The following CDH23 variants were observed in gnomAD, a reference collection of about 807,000 sequenced individuals.
CDH23 encodes cadherin related 23.
In CDH23, 189 loss-of-function variants were observed where a neutral mutation model predicts 317.1. That is an observed-to-expected ratio of 0.60 (90% CI 0.53 to 0.67). The LOEUF (loss-of-function observed/expected upper bound fraction) is 0.67. Ranked by LOEUF, CDH23 falls within the 30% of genes least tolerant of loss-of-function variation. The pLI, the probability that CDH23 is intolerant of heterozygous loss-of-function variation, is 0.00. For missense variants in CDH23, 4,401 were observed against 4,592.4 expected, an observed-to-expected ratio of 0.96 and a Z score of 1.20; for synonymous variants, 1,839 against 1,876.8, an observed-to-expected ratio of 0.98 and a Z score of 0.52.
rs755412020 is a variant in CDH23, at chr10:71,510,128, C to G, written c.192C>G (p.Pro64=). 6.2e-7 allele frequency: 1 copy of G among 1,614,014 alleles called. No homozygotes were observed. Among genetic ancestry groups the G allele is most frequent in the African/African-American group, 1.3e-5 (1 of 75,042 alleles). The part of the protein sequence containing the change: ...QLLAQDMDND[P]LVFGVSGEEA... ...TGGCCCAAGACATGGACAATGACCCCCTGGTGTTTGGCGTGTCTGGGGAGG... is the reference window on the plus strand; with the variant it reads ...TGGCCCAAGACATGGACAATGACCCGCTGGTGTTTGGCGTGTCTGGGGAGG... Residue 64 remains proline (P), a synonymous_variant, in exon 4 of 70, where the codon CCC becomes CCG. Transcript: ENST00000224721.
intron 9 of CDH23, among the ~76,000 whole-genome samples, chr10:71,589,746 C>T (rs1194786823): frequency 6.6e-6 from 1 of 152,236 alleles, no homozygotes; most frequent in East Asian, 1.9e-4. Flanking sequence ...CCCCCAACCC[C>T]TGCCCTAACA....
chr10:71,574,965 G>T (rs909418684), intron 8 of CDH23, among the ~76,000 whole-genome samples: 7 of 151,014 alleles, frequency 4.6e-5, no homozygotes, highest in Non-Finnish European at 1.0e-4. Flanking sequence ...ACCCCCCACT[G>T]CACCATGTGA....
At chr10:71,527,260 G>A (rs751380053) in intron 6 of CDH23, among the ~76,000 whole-genome samples, 15 of 152,242 alleles carry the variant, frequency 9.9e-5, no homozygotes, top group Non-Finnish European at 1.6e-4. Context: ...TGCCACAGCC[G>A]CCCTGCCTCC....
intron 30 of CDH23, among the ~76,000 whole-genome samples, chr10:71,728,290 T>C (rs1383751963): frequency 6.7e-6 from 1 of 149,316 alleles, no homozygotes; most frequent in African/African-American, 2.4e-5. Flanking sequence ...GGAGTGGACA[T>C]GTTAGTTTGC....
chr10:71,403,526 CTT>C (rs763396840), intron 1 of CDH23, among the ~76,000 whole-genome samples: 1 of 118,664 alleles, frequency 8.4e-6, no homozygotes. Flanking sequence ...TTCTTTCTTT[CTT>C]TTTTTTTTTG....
chr10:71,637,880 G>T (rs1032831793), intron 11 of CDH23, among the ~76,000 whole-genome samples: 1 of 145,702 alleles, frequency 6.9e-6, no homozygotes, highest in African/African-American at 2.6e-5. Context: ...GGTCCTTGCT[G>T]TGGCTCCTGA....
chr10:71,701,365 C>T (rs1865577029), intron 22 of CDH23, among the ~76,000 whole-genome samples: 2 of 152,180 alleles, frequency 1.3e-5, no homozygotes, highest in South Asian at 4.1e-4. Context: ...TATGACCTGG[C>T]TGTGTGGGAT....
chr10:71,526,980 C>G (rs528955538), intron 6 of CDH23, among the ~76,000 whole-genome samples: 1 of 152,160 alleles, frequency 6.6e-6, no homozygotes, highest in Non-Finnish European at 1.5e-5. Context: ...CCGGGGTTCT[C>G]AGAGAACCCA....
rs537527605 is a variant in CDH23, at chr10:71,448,060, C to T, written c.145+1665C>T. 2.0e-5 allele frequency among the ~76,000 whole-genome samples: 3 copies of T among 152,352 alleles called. No individual in the cohort carries two copies. The East Asian group carries it at 5.8e-4, about 29-fold the overall frequency. On this transcript the variant is annotated intron_variant, in intron 3 of 69. Transcript: ENST00000224721. Reference sequence around the variant, plus strand: ...ACTGAGGCAGTGGTGTGGCCAGTCACTAACTGACCCTGCTGCCGGCTGGGG... The same window carrying T: ...ACTGAGGCAGTGGTGTGGCCAGTCATTAACTGACCCTGCTGCCGGCTGGGG...
intron 38 of CDH23, among the ~76,000 whole-genome samples, chr10:71,763,538 C>G (rs1445147369): frequency 6.6e-6 from 1 of 152,178 alleles, no homozygotes; most frequent in East Asian, 1.9e-4. Context: ...GAGCTGAAAG[C>G]CTTGCCCAGC....
intron 6 of CDH23, among the ~76,000 whole-genome samples, chr10:71,559,147 G>A (rs1353614846): frequency 6.6e-6 from 1 of 152,156 alleles, no homozygotes; most frequent in Non-Finnish European, 1.5e-5. Context: ...CTGAGCTTCA[G>A]CTCACCCGTC....
intron 32 of CDH23, among the ~76,000 whole-genome samples, chr10:71,733,865 G>A (rs1839472198): frequency 6.6e-6 from 1 of 152,220 alleles, no homozygotes; most frequent in Non-Finnish European, 1.5e-5. Flanking sequence ...AGAGGATACT[G>A]GGAACACAAA....
At chr10:71,646,722 G>T (rs746689161) in intron 14 of CDH23, 105 bp downstream of exon 14, 4 of 1,611,428 alleles carry the variant, frequency 2.5e-6, no homozygotes, top group African/African-American at 1.3e-5. Flanking sequence ...AGGGAAGGAG[G>T]CACCCCCAAA....
At chr10:71,740,081 A>G (rs1839692266) in intron 36 of CDH23, among the ~76,000 whole-genome samples, 1 of 152,162 alleles carries the variant, frequency 6.6e-6, no homozygotes, top group South Asian at 2.1e-4. Flanking sequence ...CTCTTCTACA[A>G]ATACAGTGTG....
chr10:71,626,388 G>A (rs1564695752), intron 11 of CDH23, among the ~76,000 whole-genome samples: 2 of 152,180 alleles, frequency 1.3e-5, no homozygotes, highest in Non-Finnish European at 2.9e-5. Flanking sequence ...ACCGTGTGGG[G>A]ATGGACAGGG....
intron 24 of CDH23, among the ~76,000 whole-genome samples, chr10:71,703,326 A>T (rs1865660998): frequency 6.6e-6 from 1 of 152,224 alleles, no homozygotes; most frequent in African/African-American, 2.4e-5. Context: ...CCTCCTGGTT[A>T]AGAGCATGGG....
intron 7 of CDH23, among the ~76,000 whole-genome samples, chr10:71,567,341 G>A (rs1402483343): frequency 6.6e-6 from 1 of 152,190 alleles, no homozygotes; most frequent in Admixed American, 6.5e-5. Flanking sequence ...CAGGACAGAG[G>A]TGTTCACCCA....
At chr10:71,427,988 C>T (rs1368601863) in intron 1 of CDH23, among the ~76,000 whole-genome samples, 1 of 152,036 alleles carries the variant, frequency 6.6e-6, no homozygotes, top group Non-Finnish European at 1.5e-5. Flanking sequence ...GCTGGAATTA[C>T]AGGCGTGACC....
intron 38 of CDH23, chr10:71,761,695 C>T (rs1337188783): frequency 6.2e-7 from 1 of 1,613,932 alleles, no homozygotes; most frequent in African/African-American, 1.3e-5. Context: ...CGCTATCCAG[C>T]AGGGTCAGGT....
Sources: allele counts gnomAD v4.1 joint callset (sites outside exome capture counted in the v4.1 genomes callset), GRCh38; gene constraint gnomAD v4.1.1; transcripts MANE v1.5; gene names NCBI Gene and HGNC (gene_info 2026-07-23, HGNC 2026-07-21).